The following CADM2 variants were observed in gnomAD, a reference collection of about 807,000 sequenced individuals.
The protein encoded by CADM2 is immunoglobulin superfamily member 4D.
A neutral mutation model predicts 49.8 loss-of-function variants in CADM2; 12 were observed. The ratio of observed to expected loss-of-function variants is 0.24; its 90% CI spans 0.15 to 0.39. The LOEUF is 0.39. CADM2 is among the 10% of genes least tolerant of loss of function. The pLI is 1.00. For synonymous variants in CADM2, 214 were observed against 175.4 expected, an observed-to-expected ratio of 1.22 and a Z score of -1.74; for missense variants, 378 against 492.3, an observed-to-expected ratio of 0.77 and a Z score of 2.20.
chr3:86,062,806 A>ATT (rs568421571), intron 8 of CADM2, among the ~76,000 whole-genome samples: 23 of 142,884 alleles, frequency 1.6e-4, no homozygotes, highest in African/African-American at 4.1e-4. Flanking sequence ...GTGTATTGTT[A>ATT]TTTTTTTTTT....
intron 1 of CADM2, among the ~76,000 whole-genome samples, chr3:85,223,805 A>G (rs1019800771): frequency 1.3e-5 from 2 of 151,916 alleles, no homozygotes; most frequent in Non-Finnish European, 2.9e-5. Context: ...CCCTGTGTCC[A>G]TGTGTTCTTA....
chr3:85,743,909 T>C (rs1291367015), intron 2 of CADM2, among the ~76,000 whole-genome samples: 1 of 152,170 alleles, frequency 6.6e-6, no homozygotes, highest in Non-Finnish European at 1.5e-5. Context: ...ATTTCATCCA[T>C]ATTAAATTGT....
chr3:85,448,212 A>G (rs948608827), intron 1 of CADM2, among the ~76,000 whole-genome samples: 1 of 151,866 alleles, frequency 6.6e-6, no homozygotes, highest in Non-Finnish European at 1.5e-5. Flanking sequence ...GGGCGCCTGT[A>G]GTCCCAACTA....
At chr3:85,967,344 C>A (rs749180945) in intron 8 of CADM2, among the ~76,000 whole-genome samples, 3 of 151,622 alleles carry the variant, frequency 2.0e-5, no homozygotes, top group Non-Finnish European at 4.4e-5. Context: ...ATCCATCTAT[C>A]ATATTTTTCA....
At chr3:85,870,619 T>C (rs549226329) in intron 3 of CADM2, among the ~76,000 whole-genome samples, 5 of 152,334 alleles carry the variant, frequency 3.3e-5, no homozygotes, top group African/African-American at 1.2e-4. Flanking sequence ...ATAGTATATA[T>C]GTACCACATT....
chr3:85,405,249 C>A (rs1034843738), intron 1 of CADM2, among the ~76,000 whole-genome samples: 1 of 152,104 alleles, frequency 6.6e-6, no homozygotes, highest in Admixed American at 6.6e-5. Context: ...TATCCTAGAA[C>A]AGTTTTGATG....
chr3:85,805,212 G>A (rs2072332613), intron 3 of CADM2, among the ~76,000 whole-genome samples: 1 of 152,098 alleles, frequency 6.6e-6, no homozygotes, highest in Admixed American at 6.5e-5. Flanking sequence ...TCAAAGTTCT[G>A]GGATTACAGG....
chr3:85,443,403 C>G (rs879033912), intron 1 of CADM2, among the ~76,000 whole-genome samples: 1 of 152,120 alleles, frequency 6.6e-6, no homozygotes, highest in African/African-American at 2.4e-5. Flanking sequence ...TATAACCTCA[C>G]TATTCTCTCC....
At chr3:85,579,933 A>G (rs2062747261) in intron 1 of CADM2, among the ~76,000 whole-genome samples, 1 of 152,160 alleles carries the variant, frequency 6.6e-6, no homozygotes, top group African/African-American at 2.4e-5. Context: ...GAAAATGTAT[A>G]TGTTTACATA....
At chr3:86,016,621 A>T (rs1266337995) in intron 8 of CADM2, among the ~76,000 whole-genome samples, 1 of 152,146 alleles carries the variant, frequency 6.6e-6, no homozygotes, top group Non-Finnish European at 1.5e-5. Flanking sequence ...CGGAAGTTTC[A>T]AAGGTGCGGG....
intron 1 of CADM2, among the ~76,000 whole-genome samples, chr3:85,194,115 A>C (rs752778796): frequency 2.0e-5 from 3 of 152,112 alleles, no homozygotes; most frequent in Non-Finnish European, 4.4e-5. Context: ...TGGTGAAAGA[A>C]GAGAAGAGTG....
At chr3:86,054,374 G>A (rs1737675951) in intron 8 of CADM2, among the ~76,000 whole-genome samples, 1 of 151,982 alleles carries the variant, frequency 6.6e-6, no homozygotes, top group South Asian at 2.1e-4. Flanking sequence ...GACTAGTGTT[G>A]TTATATACAT....
At chr3:85,122,152 C>T (rs9309970) in intron 1 of CADM2, among the ~76,000 whole-genome samples, 90,769 of 151,860 alleles carry the variant, frequency 0.6, 27,981 homozygotes, top group Middle Eastern at 0.64. Context: ...TTTTCATTCC[C>T]AAGCTCCTCC....
chr3:86,020,645 A>C (rs996677763), intron 8 of CADM2, among the ~76,000 whole-genome samples: 1 of 152,106 alleles, frequency 6.6e-6, no homozygotes, highest in African/African-American at 2.4e-5. Flanking sequence ...CACCATTATC[A>C]AGTGGGCTTC....
chr3:85,556,636 G>A (rs943999109), intron 1 of CADM2, among the ~76,000 whole-genome samples: 2 of 152,130 alleles, frequency 1.3e-5, no homozygotes, highest in Admixed American at 6.6e-5. Context: ...TCAGTTGAGA[G>A]AGAGCACAGA....
At chr3:85,384,521 C>T (rs1463747868) in intron 1 of CADM2, among the ~76,000 whole-genome samples, 4 of 151,956 alleles carry the variant, frequency 2.6e-5, no homozygotes, top group Non-Finnish European at 5.9e-5. Flanking sequence ...ACCATGTTGG[C>T]CAGGCTCCTC....
chr3:85,873,233 T>C (rs1025849700), intron 3 of CADM2, among the ~76,000 whole-genome samples: 1 of 152,144 alleles, frequency 6.6e-6, no homozygotes, highest in Non-Finnish European at 1.5e-5. Flanking sequence ...ATTCAAACCA[T>C]AGCATTAACA....
intron 2 of CADM2, among the ~76,000 whole-genome samples, chr3:85,742,254 A>C (rs915968048): frequency 6.6e-5 from 10 of 152,148 alleles, no homozygotes; most frequent in Non-Finnish European, 1.5e-5. Context: ...TTGGCCTGAG[A>C]GGTATTCTGT....
intron 1 of CADM2, among the ~76,000 whole-genome samples, chr3:85,236,296 A>C (rs2042406390): frequency 6.6e-6 from 1 of 151,948 alleles, no homozygotes; most frequent in African/African-American, 2.4e-5. Context: ...TGGATTATTA[A>C]TCTTTATCAT....
Sources: gnomAD v4.1 joint callset for allele counts (sites outside exome capture counted in the v4.1 genomes callset) on GRCh38, gnomAD v4.1.1 for gene constraint, MANE v1.5 for transcripts, NCBI Gene and HGNC (gene_info 2026-07-23, HGNC 2026-07-21) for gene names.